Variants in CLSTN2 observed in about 807,000 individuals in gnomAD.
The protein encoded by CLSTN2 is calsyntenin 2, also known as calsyntenin-2.
In CLSTN2, 48 loss-of-function variants were observed where a neutral mutation model predicts 101.2. The ratio of observed to expected loss-of-function variants is 0.47; its 90% CI spans 0.38 to 0.60. The LOEUF is 0.60. Among genes scored for constraint, CLSTN2 ranks in the 20% least tolerant of loss-of-function variants. The pLI is 0.00. For missense variants in CLSTN2, 1,160 were observed against 1,238.2 expected (o/e 0.94, Z 0.95); for synonymous variants, 481 against 463.6 (o/e 1.04, Z -0.48).
At chr3:140,473,011 G>T (rs921661527) in intron 8 of CLSTN2, among the ~76,000 whole-genome samples, 2 of 152,200 alleles carry the variant, frequency 1.3e-5, no homozygotes, top group African/African-American at 4.8e-5. Flanking sequence ...GGCAGAGAAG[G>T]GTCCTCAGAC....
chr3:140,478,536 A>G (rs558804678), intron 8 of CLSTN2, among the ~76,000 whole-genome samples: 6 of 152,312 alleles, frequency 3.9e-5, no homozygotes, highest in African/African-American at 1.4e-4. Context: ...ATAAAAGGTG[A>G]TTTGTAGAGA....
intron 8 of CLSTN2, among the ~76,000 whole-genome samples, chr3:140,513,601 G>GT (rs1934859353): frequency 3.3e-3 from 57 of 17,472 alleles, no homozygotes; most frequent in African/African-American, 8.3e-3. Flanking sequence ...TTTTTTTTTT[G>GT]GGTGTGTGTC....
intron 1 of CLSTN2, among the ~76,000 whole-genome samples, chr3:140,035,594 T>C (rs533239053): frequency 4.4e-4 from 66 of 150,880 alleles, no homozygotes; most frequent in African/African-American, 1.5e-3. Flanking sequence ...TCATTCCATG[T>C]AGGATAATAA....
At chr3:140,515,641 A>AAT (rs1305333907) in intron 8 of CLSTN2, among the ~76,000 whole-genome samples, 3 of 152,058 alleles carry the variant, frequency 2.0e-5, no homozygotes, top group African/African-American at 7.2e-5. Context: ...AGCATTCAGG[A>AAT]GCAGGTTATT....
rs1234733253 is a variant in CLSTN2, at chr3:140,563,941, G to T, written c.2483-20G>T. 1 of 1,611,176 alleles carries T rather than the reference G, an allele frequency of 6.2e-7. No individual in the cohort carries two copies. Among genetic ancestry groups the T allele is most frequent in the Non-Finnish European group, 8.5e-7 (1 of 1,177,798 alleles). Reference sequence around the variant, plus strand: ...TAGGCCTTTGTTCACCATGTCATGCGAGTTTTTTCCTTGTTCCAGTGGTCC... The same window carrying T: ...TAGGCCTTTGTTCACCATGTCATGCTAGTTTTTTCCTTGTTCCAGTGGTCC... On this transcript the variant is annotated intron_variant, in intron 15 of 16. Coordinates refer to ENST00000458420, the MANE Select transcript of CLSTN2 (RefSeq NM_022131.3).
intron 1 of CLSTN2, among the ~76,000 whole-genome samples, chr3:140,151,342 G>GAAGC (rs1245946610): frequency 6.6e-6 from 1 of 152,044 alleles, no homozygotes; most frequent in Non-Finnish European, 1.5e-5. Flanking sequence ...TAGTGGGAGA[G>GAAGC]AAGCTCTGAG....
chr3:140,261,156 G>A (rs2086650905), intron 2 of CLSTN2, among the ~76,000 whole-genome samples: 1 of 151,998 alleles, frequency 6.6e-6, no homozygotes, highest in Non-Finnish European at 1.5e-5. Context: ...ACACCTTCTT[G>A]GGGGTTATGC....
At chr3:140,246,902 G>A (rs908038221) in intron 2 of CLSTN2, among the ~76,000 whole-genome samples, 3 of 152,066 alleles carry the variant, frequency 2.0e-5, no homozygotes, top group Admixed American at 1.3e-4. Flanking sequence ...ACTTGGGACC[G>A]AATCCTAGGG....
chr3:140,457,234 G>C (rs1933424839), intron 6 of CLSTN2, among the ~76,000 whole-genome samples: 1 of 152,182 alleles, frequency 6.6e-6, no homozygotes, highest in Non-Finnish European at 1.5e-5. Context: ...GGTCCCATTG[G>C]CTTGAGCTAG....
At chr3:140,187,240 C>G (rs894051566) in intron 2 of CLSTN2, among the ~76,000 whole-genome samples, 2 of 152,140 alleles carry the variant, frequency 1.3e-5, no homozygotes, top group Non-Finnish European at 2.9e-5. Flanking sequence ...GATGAGCCTC[C>G]ACACCAGCCT....
At chr3:140,544,059 C>T (rs1454028038) in intron 9 of CLSTN2, among the ~76,000 whole-genome samples, 1 of 152,206 alleles carries the variant, frequency 6.6e-6, no homozygotes, top group East Asian at 1.9e-4. Context: ...GGAAAGACAA[C>T]CACAGGGCCC....
In CLSTN2 at chr3:140,142,057, G is replaced by A. The variant is rs555406096; in HGVS notation, c.110-33894G>A. 4.5e-4 allele frequency among the ~76,000 whole-genome samples: 69 copies of A among 152,334 alleles called. 1 individual carries two copies. Among genetic ancestry groups the A allele is most frequent in the Non-Finnish European group, 6.5e-4 (44 of 68,034 alleles). On this transcript the variant is annotated intron_variant, in intron 1 of 16. Transcript: ENST00000458420. ...ACTTGAGGATTTGAACAACCTCACAGCATTCTTCCTGGCCTCAGTTGCCTC... is the reference window on the plus strand; with the variant it reads ...ACTTGAGGATTTGAACAACCTCACAACATTCTTCCTGGCCTCAGTTGCCTC...
intron 1 of CLSTN2, among the ~76,000 whole-genome samples, chr3:139,999,284 T>C (rs1193379253): frequency 1.3e-5 from 2 of 150,238 alleles, no homozygotes; most frequent in Non-Finnish European, 3.0e-5. Flanking sequence ...TAGTCTGCAG[T>C]GTCTGTTGTT....
intron 8 of CLSTN2, among the ~76,000 whole-genome samples, chr3:140,512,197 T>G (rs1394121305): frequency 6.6e-6 from 1 of 152,214 alleles, no homozygotes; most frequent in African/African-American, 2.4e-5. Flanking sequence ...GGTGTTTTCG[T>G]CATGAAGTCT....
At chr3:140,368,397 T>C (rs2087817050) in intron 2 of CLSTN2, among the ~76,000 whole-genome samples, 1 of 152,156 alleles carries the variant, frequency 6.6e-6, no homozygotes. Flanking sequence ...TTCATTGCCC[T>C]GGGACCTTCC....
intron 8 of CLSTN2, among the ~76,000 whole-genome samples, chr3:140,491,087 G>C (rs1180266999): frequency 6.6e-6 from 1 of 152,126 alleles, no homozygotes; most frequent in Non-Finnish European, 1.5e-5. Context: ...AAACACAAAT[G>C]GTCACTTAAA....
chr3:140,033,914 G>C (rs1225514838), intron 1 of CLSTN2, among the ~76,000 whole-genome samples: 1 of 152,074 alleles, frequency 6.6e-6, no homozygotes, highest in Non-Finnish European at 1.5e-5. Flanking sequence ...GAAATAATTA[G>C]CTTTACCTTA....
Position 140,556,506 on chromosome 3 carries a change from C to G in CLSTN2, c.1675-7C>G. 6.2e-7 allele frequency: 1 copy of G among 1,613,880 alleles called. No homozygotes were observed. Among genetic ancestry groups the G allele is most frequent in the East Asian group, 2.2e-5 (1 of 44,868 alleles). On this transcript the variant is annotated splice_polypyrimidine_tract_variant and splice_region_variant and intron_variant, in intron 10 of 16. Transcript: ENST00000458420. ...TCTCTTCCATGATGCTCACTTTTGT[C>G]TTCCAGTATCACTTCAACCCCTCGC...
rs531016586 is a variant in CLSTN2, at chr3:140,417,423, C to A, written c.638-3702C>A. On this transcript the variant is annotated intron_variant, in intron 4 of 16. Coordinates refer to ENST00000458420, the MANE Select transcript of CLSTN2 (RefSeq NM_022131.3). The stretch of plus-strand genomic sequence containing the variant: ...GAATTGCACTCCCAAAAGGTATAAG[C>A]AATTTCAAACTGACTAGCATATATT... Among the ~76,000 whole-genome samples, 5 of 152,218 alleles carry A rather than the reference C, an allele frequency of 3.3e-5. No homozygotes were observed. The South Asian group carries it at 1.0e-3, about 32-fold the overall frequency.
Sources: allele counts gnomAD v4.1 joint callset (sites outside exome capture counted in the v4.1 genomes callset), GRCh38; gene constraint gnomAD v4.1.1; transcripts MANE v1.5; gene names NCBI Gene and HGNC (gene_info 2026-07-23, HGNC 2026-07-21).